Variants in ABLIM2 observed in about 807,000 individuals in gnomAD.
ABLIM2 encodes actin-binding LIM protein 2.
ABLIM2 carries 53 observed loss-of-function variants against 97.7 expected under a neutral mutation model. That is an observed-to-expected ratio of 0.54 (90% CI 0.44 to 0.68). The LOEUF (loss-of-function observed/expected upper bound fraction) is 0.68. Ranked by LOEUF, ABLIM2 falls within the 30% of genes least tolerant of loss-of-function variation. The pLI is 0.00. For missense variants in ABLIM2, 835 were observed against 867.2 expected, an observed-to-expected ratio of 0.96 and a Z score of 0.47; for synonymous variants, 361 against 345.8, an observed-to-expected ratio of 1.04 and a Z score of -0.49.
chr4:8,040,854 T>A (rs527574709), intron 9 of ABLIM2, among the ~76,000 whole-genome samples: 6 of 152,142 alleles, frequency 3.9e-5, no homozygotes, highest in African/African-American at 1.4e-4. Context: ...CGTGTCAGAA[T>A]TGGGAGCACG....
At chr4:8,010,201 G>A in intron 14 of ABLIM2, among the ~76,000 whole-genome samples, 1 of 152,204 alleles carries the variant, frequency 6.6e-6, no homozygotes. Flanking sequence ...CTGGGGGGTT[G>A]TCACCCAGCT....
Position 8,032,145 on chromosome 4 carries a change from A to G in ABLIM2, c.1048-2369T>C, listed in dbSNP as rs967191119. Among the ~76,000 whole-genome samples the G allele has an allele frequency of 9.9e-5, 15 of 151,720 alleles. No homozygotes were observed. The highest frequency in any genetic ancestry group is 3.6e-4 in the African/African-American group (15 of 41,344). ...CTGCTGTGGCCACCCGTGCGGCCGC[A>G]CAGACTGCAGTCTGATTGGCAGCTC... On this transcript the variant is annotated intron_variant, in intron 10 of 20. Coordinates refer to ENST00000447017, the MANE Select transcript of ABLIM2 (RefSeq NM_001130083.2). The surrounding 1 kb of genome is among the most constrained non-coding windows in gnomAD (Gnocchi z 4.3).
chr4:7,967,209 G>T (rs13137347), intron 20 of ABLIM2, 106 bp from the exon 21 acceptor site: 2 of 906,806 alleles, frequency 2.2e-6, no homozygotes, highest in East Asian at 4.8e-5. Context: ...ATTGCATTGA[G>T]GATGGGGTGG....
rs1046935003 is a variant in ABLIM2 at position 8,123,670 on chromosome 4, C to T, written c.11-17033G>A. Among the ~76,000 whole-genome samples, 2 of 152,184 alleles carry T rather than the reference C, an allele frequency of 1.3e-5. No homozygotes were observed. On this transcript the variant is annotated intron_variant, in intron 1 of 20. Transcript: ENST00000447017. This position sits in a 1 kb window ranked among gnomAD's most constrained non-coding sequence, Gnocchi z 6.2. ...GAGGCAGCCAGCCCCTGCCTTAAAG[C>T]GGGTCTCCTGGGGGCGTCATCCTTG... is the stretch of plus-strand genomic sequence containing the variant.
chr4:8,082,118 G>A lies in ABLIM2; in HGVS notation c.455-1316C>T, dbSNP rs1577357841. Among the ~76,000 whole-genome samples the A allele has an allele frequency of 6.6e-6, 1 of 152,120 alleles. No homozygotes were observed. The stretch of plus-strand genomic sequence containing the variant: ...ACCCCGTAATGGACAGGGAGGAAGA[G>A]GGTGTCTGACAAACAGGGCCTTGCC... On this transcript the variant is annotated intron_variant, in intron 4 of 20. Transcript: ENST00000447017. This position sits in a 1 kb window ranked among gnomAD's most constrained non-coding sequence, Gnocchi z 5.6.
chr4:8,134,012 C>T (rs945498844), intron 1 of ABLIM2, among the ~76,000 whole-genome samples: 4 of 152,256 alleles, frequency 2.6e-5, no homozygotes, highest in Admixed American at 6.5e-5. Flanking sequence ...CAGTGAACAG[C>T]GAGGTGAGTG....
In ABLIM2 at chr4:8,150,597, C is replaced by G. The variant is rs577642446; in HGVS notation, c.10+8083G>C. On this transcript the variant is annotated intron_variant, in intron 1 of 20. Coordinates refer to ENST00000447017, the MANE Select transcript of ABLIM2 (RefSeq NM_001130083.2). This position sits in a 1 kb window ranked among gnomAD's most constrained non-coding sequence, Gnocchi z 6.3. The stretch of plus-strand genomic sequence containing the variant: ...AGTCCCAAACTTCCAGCACAGGGTG[C>G]GAGCTCCGTGCCGGAGGCGGGAGGA... Among the ~76,000 whole-genome samples, 1 of 152,228 alleles carries G rather than the reference C, an allele frequency of 6.6e-6. No individual in the cohort carries two copies. Among genetic ancestry groups the G allele is most frequent in the Admixed American group, 6.5e-5 (1 of 15,286 alleles).
chr4:8,095,924 T>C lies in ABLIM2; in HGVS notation c.338+1175A>G, dbSNP rs1383351480. Among the ~76,000 whole-genome samples, 1 of 152,220 alleles carries C rather than the reference T, an allele frequency of 6.6e-6. No homozygotes were observed. ...CCACTGTGTGAAATTCCTCTGCGAC[T>C]ACAGGGCTTCATATTTGGTCAAAGA... On this transcript the variant is annotated intron_variant, in intron 3 of 20. Coordinates refer to ENST00000447017, the MANE Select transcript of ABLIM2 (RefSeq NM_001130083.2). This position sits in a 1 kb window ranked among gnomAD's most constrained non-coding sequence, Gnocchi z 4.7.
At chr4:8,096,906 G>A (rs1488085329) in intron 3 of ABLIM2, among the ~76,000 whole-genome samples, 193 bp downstream of exon 3, 3 of 152,214 alleles carry the variant, frequency 2.0e-5, no homozygotes, top group South Asian at 4.1e-4. Flanking sequence ...CTGCCCTCAC[G>A]GAGCTCCCTG....
In ABLIM2 at chr4:8,155,612, C is replaced by T. The variant is rs964412322; in HGVS notation, c.10+3068G>A. On this transcript the variant is annotated intron_variant, in intron 1 of 20. Transcript: ENST00000447017. The surrounding 1 kb of genome is among the most constrained non-coding windows in gnomAD (Gnocchi z 4.2). ...CTAAATTCATATGCTGAAGTCCTAA[C>T]CCCCAGTACTCCAGGATGTGACTAT... is the stretch of plus-strand genomic sequence containing the variant. 6.6e-6 allele frequency among the ~76,000 whole-genome samples: 1 copy of T among 152,186 alleles called. No individual in the cohort carries two copies. The highest frequency in any genetic ancestry group is 2.4e-5 in the African/African-American group (1 of 41,442).
chr4:7,989,678 T>C (rs563294079), intron 17 of ABLIM2, among the ~76,000 whole-genome samples: 5 of 152,244 alleles, frequency 3.3e-5, no homozygotes, highest in Non-Finnish European at 7.3e-5. Flanking sequence ...TTTTTAAGTG[T>C]GCATCTTATG....
In ABLIM2 at chr4:8,044,018, G is replaced by C. The variant is rs745660887; in HGVS notation, c.900+1146C>G. Among the ~76,000 whole-genome samples, 4 of 152,210 alleles carry C rather than the reference G, an allele frequency of 2.6e-5. No individual in the cohort carries two copies. The highest frequency in any genetic ancestry group is 5.9e-5 in the Non-Finnish European group (4 of 68,036). ...CACTCACTCTCCAGGCCAGCAGTGC[G>C]TCATGGTAACTGAGGACTCGTGCAC... On this transcript the variant is annotated intron_variant, in intron 9 of 20. Transcript: ENST00000447017. This position sits in a 1 kb window ranked among gnomAD's most constrained non-coding sequence, Gnocchi z 4.4.
At chr4:8,020,394 G>C in intron 12 of ABLIM2, 91 bp from the exon 13 acceptor site, 1 of 1,165,732 alleles carries the variant, frequency 8.6e-7, no homozygotes, top group Non-Finnish European at 1.2e-6. Context: ...TTTGCAGCGA[G>C]CCCCATCTCT....
intron 7 of ABLIM2, among the ~76,000 whole-genome samples, chr4:8,060,065 T>C (rs954165358): frequency 1.3e-5 from 2 of 152,208 alleles, no homozygotes; most frequent in African/African-American, 2.4e-5. Flanking sequence ...CTTGTTAATC[T>C]GTCTTGTTAC....
Position 8,128,176 on chromosome 4 carries a change from C to T in ABLIM2, c.11-21539G>A, listed in dbSNP as rs1020704945. Among the ~76,000 whole-genome samples the T allele has an allele frequency of 5.9e-5, 9 of 152,276 alleles. No homozygotes were observed. Among genetic ancestry groups the T allele is most frequent in the East Asian group, 1.9e-4 (1 of 5,166 alleles). Reference sequence around the variant, plus strand: ...TGTTTCTGCCCCCACCTTCACAGGCCGTCTTCCCTGTGTGTCTCTGCGTGT... The same window carrying T: ...TGTTTCTGCCCCCACCTTCACAGGCTGTCTTCCCTGTGTGTCTCTGCGTGT... On this transcript the variant is annotated intron_variant, in intron 1 of 20. Coordinates refer to ENST00000447017, the MANE Select transcript of ABLIM2 (RefSeq NM_001130083.2). The surrounding 1 kb of genome is among the most constrained non-coding windows in gnomAD (Gnocchi z 4.9).
In ABLIM2 at chr4:8,027,862, G is replaced by T; in HGVS notation, c.1169-5C>A. The T allele has an allele frequency of 6.4e-7, 1 of 1,574,566 alleles. No individual in the cohort carries two copies. The highest frequency in any genetic ancestry group is 2.4e-5 in the East Asian group (1 of 42,240). On this transcript the variant is annotated splice_region_variant and splice_polypyrimidine_tract_variant and intron_variant, in intron 11 of 20. Transcript: ENST00000447017. ...TACCCACACTCACAGTACCAGCTAC[G>T]GGGTAACAGAGAGCAAGTCAGAGTC...
chr4:8,146,586 C>T (rs963638237), intron 1 of ABLIM2, among the ~76,000 whole-genome samples: 4 of 152,210 alleles, frequency 2.6e-5, no homozygotes, highest in Non-Finnish European at 5.9e-5. Flanking sequence ...GCCACCCAGG[C>T]TGGAGTGCAG....
rs1483958701 is a variant in ABLIM2 at position 8,032,558 on chromosome 4, C to T, written c.1048-2782G>A. 3 of 1,553,568 alleles carry T rather than the reference C, an allele frequency of 1.9e-6. No individual in the cohort carries two copies. The highest frequency in any genetic ancestry group is 8.8e-7 in the Non-Finnish European group (1 of 1,131,420). On this transcript the variant is annotated intron_variant, in intron 10 of 20. Transcript: ENST00000447017. This position sits in a 1 kb window ranked among gnomAD's most constrained non-coding sequence, Gnocchi z 4.3. ...CCATGGTGAAGAGCCACCGAGGAGG[C>T]CCTTCCCGGGAGTGCGGCTGGGTGG...
intron 1 of ABLIM2, among the ~76,000 whole-genome samples, chr4:8,109,504 C>G (rs796920708): frequency 1.8e-4 from 27 of 152,352 alleles, no homozygotes; most frequent in African/African-American, 6.5e-4. Flanking sequence ...GCCATTTCCC[C>G]ATCCAGTTCC....
Sources: gnomAD v4.1 joint callset for allele counts (sites outside exome capture counted in the v4.1 genomes callset) on GRCh38, gnomAD v4.1.1 for gene constraint, Gnocchi (gnomAD v3.1) non-coding constraint, MANE v1.5 for transcripts, NCBI Gene and HGNC (gene_info 2026-07-23, HGNC 2026-07-21) for gene names.